The following SEMA5A variants were observed in gnomAD, a reference collection of about 807,000 sequenced individuals.
The protein encoded by SEMA5A is semaphorin 5A.
SEMA5A carries 55 observed loss-of-function variants against 135.5 expected under a neutral mutation model. The observed-to-expected ratio is 0.41, with a 90% confidence interval of 0.33 to 0.51. The LOEUF (loss-of-function observed/expected upper bound fraction) is 0.51. SEMA5A is among the 20% of genes least tolerant of loss of function. SEMA5A has a pLI of 0.37. For missense variants in SEMA5A, 1,290 were observed against 1,419.9 expected (o/e 0.91, Z 1.47); for synonymous variants, 580 against 546.5 (o/e 1.06, Z -0.85).
chr5:9,354,094 A>C (rs866275973), intron 3 of SEMA5A, among the ~76,000 whole-genome samples: 6 of 152,168 alleles, frequency 3.9e-5, no homozygotes, highest in Admixed American at 1.3e-4. Flanking sequence ...CACACCTCCA[A>C]ATCACCAGCC....
intron 18 of SEMA5A, among the ~76,000 whole-genome samples, chr5:9,056,976 A>G (rs1238445476): frequency 1.3e-5 from 2 of 152,228 alleles, no homozygotes; most frequent in African/African-American, 2.4e-5. Context: ...ATGCAACAAC[A>G]TGGATGAACC....
intron 11 of SEMA5A, among the ~76,000 whole-genome samples, chr5:9,188,264 G>T (rs1744913275): frequency 6.6e-6 from 1 of 152,174 alleles, no homozygotes; most frequent in South Asian, 2.1e-4. Context: ...CAGCCACCAT[G>T]ATCTTAGACT....
intron 5 of SEMA5A, among the ~76,000 whole-genome samples, chr5:9,264,012 T>C (rs1313804271): frequency 1.3e-5 from 2 of 152,216 alleles, no homozygotes; most frequent in African/African-American, 4.8e-5. Flanking sequence ...AATTTTAGGA[T>C]TGGAAACTCA....
chr5:9,262,895 A>T (rs1283895311), intron 5 of SEMA5A, among the ~76,000 whole-genome samples: 1 of 97,930 alleles, frequency 1.0e-5, no homozygotes, highest in Non-Finnish European at 2.2e-5. Context: ...TTAGATTATA[A>T]TAAAAAAAAA....
chr5:9,433,434 G>C (rs376915304), intron 2 of SEMA5A, among the ~76,000 whole-genome samples: 1 of 151,248 alleles, frequency 6.6e-6, no homozygotes, highest in African/African-American at 2.4e-5. Flanking sequence ...ATGAAATAGC[G>C]GAAAAAACAG....
rs1374737584 is a variant in SEMA5A, at chr5:9,122,641, T to C, written c.1781+15A>G. ...AATACACAGCAGCACAACTGGCGTG[T>C]TCTGAGCGGCACACCTGGAACAGTT... On this transcript the variant is annotated intron_variant, in intron 14 of 22. Coordinates refer to ENST00000382496, the MANE Select transcript of SEMA5A (RefSeq NM_003966.3). 6.4e-7 allele frequency: 1 copy of C among 1,569,688 alleles called. No individual in the cohort carries two copies. Among genetic ancestry groups the C allele is most frequent in the South Asian group, 1.2e-5 (1 of 85,100 alleles).
chr5:9,110,823 G>A (rs987748398), intron 15 of SEMA5A, among the ~76,000 whole-genome samples: 4 of 152,034 alleles, frequency 2.6e-5, no homozygotes, highest in Non-Finnish European at 4.4e-5. Context: ...TCCTCTTTAG[G>A]TGGTAACTAT....
intron 1 of SEMA5A, among the ~76,000 whole-genome samples, chr5:9,544,607 TG>T (rs1738276445): frequency 6.6e-6 from 1 of 151,716 alleles, no homozygotes; most frequent in Admixed American, 6.6e-5. Context: ...ACCCAGCAAC[TG>T]CCTGTGGCGC....
intron 1 of SEMA5A, among the ~76,000 whole-genome samples, chr5:9,489,676 G>GT (rs767522444): frequency 6.6e-5 from 10 of 152,244 alleles, no homozygotes; most frequent in Non-Finnish European, 1.3e-4. Flanking sequence ...AAACAAAAGT[G>GT]TTTTTGAAAA....
chr5:9,274,642 C>T (rs1319373768), intron 5 of SEMA5A, among the ~76,000 whole-genome samples: 1 of 152,188 alleles, frequency 6.6e-6, no homozygotes, highest in Non-Finnish European at 1.5e-5. Context: ...TCTCAGACCA[C>T]AGTGCAATCA....
intron 1 of SEMA5A, among the ~76,000 whole-genome samples, chr5:9,518,304 G>T (rs1410849829): frequency 1.3e-5 from 2 of 152,162 alleles, no homozygotes; most frequent in Non-Finnish European, 2.9e-5. Flanking sequence ...CCTTAGCTGA[G>T]CCAGCTAATT....
chr5:9,297,585 A>G (rs1213299896), intron 5 of SEMA5A, among the ~76,000 whole-genome samples: 2 of 151,846 alleles, frequency 1.3e-5, no homozygotes, highest in Non-Finnish European at 2.9e-5. Flanking sequence ...AGAGTATCTC[A>G]CTCCAATTGC....
Position 9,335,810 on chromosome 5 carries a change from A to G in SEMA5A, c.224+1903T>C, listed in dbSNP as rs189464175. 3.7e-3 allele frequency among the ~76,000 whole-genome samples: 556 copies of G among 152,268 alleles called. 14 individuals carry two copies. Among genetic ancestry groups the G allele is most frequent in the Admixed American group, 0.035 (533 of 15,292 alleles). ...TGGATGCAGAGGGGAACATAGACAAATTCAACTCTGGAAATAAATGTGTTG... is the reference window on the plus strand; with the variant it reads ...TGGATGCAGAGGGGAACATAGACAAGTTCAACTCTGGAAATAAATGTGTTG... On this transcript the variant is annotated intron_variant, in intron 4 of 22. Coordinates refer to ENST00000382496, the MANE Select transcript of SEMA5A (RefSeq NM_003966.3).
intron 3 of SEMA5A, among the ~76,000 whole-genome samples, chr5:9,342,754 C>G (rs1205728): frequency 1 from 151,665 of 152,344 alleles, 75,502 homozygotes; most frequent in Middle Eastern, 1. Flanking sequence ...TCTATCTTAT[C>G]CACTTTATAA....
chr5:9,425,901 T>C (rs192015381), intron 2 of SEMA5A, among the ~76,000 whole-genome samples: 3 of 152,302 alleles, frequency 2.0e-5, no homozygotes, highest in Admixed American at 6.5e-5. Flanking sequence ...GGCTCAGCCA[T>C]GCAGGAGGCC....
At chr5:9,378,823 G>A (rs944607103) in intron 3 of SEMA5A, among the ~76,000 whole-genome samples, 1 of 152,142 alleles carries the variant, frequency 6.6e-6, no homozygotes, top group Non-Finnish European at 1.5e-5. Context: ...GGTGCTTGAT[G>A]ATGTCATGAA....
intron 16 of SEMA5A, among the ~76,000 whole-genome samples, chr5:9,073,249 G>T (rs1737866476): frequency 2.0e-5 from 3 of 152,024 alleles, no homozygotes; most frequent in Admixed American, 2.0e-4. Context: ...TATATCAAAA[G>T]GTTAACACCT....
In SEMA5A at chr5:9,035,192, A is replaced by G. The variant is rs1658419108; in HGVS notation, c.*7705T>C. The stretch of plus-strand genomic sequence containing the variant: ...CCACAAATGGCAGCTAGAGATGGTA[A>G]GAAGGGGGTTGGTAGGAAAGTGTGA... On this transcript the variant is annotated 3_prime_UTR_variant, in exon 23 of 23. Transcript: ENST00000382496. The G allele has an allele frequency of 6.6e-6, 1 of 152,258 alleles. No individual in the cohort carries two copies. The highest frequency in any genetic ancestry group is 1.5e-5 in the Non-Finnish European group (1 of 68,028). 9.4% of individuals were successfully genotyped at this position (152,258 alleles called of 1,614,324 possible).
intron 2 of SEMA5A, among the ~76,000 whole-genome samples, chr5:9,431,692 C>T (rs183327463): frequency 2.0e-5 from 3 of 152,068 alleles, no homozygotes; most frequent in Non-Finnish European, 2.9e-5. Flanking sequence ...CGTTTTTATG[C>T]CCTCAGGAAA....
Sources: allele counts gnomAD v4.1 joint callset (sites outside exome capture counted in the v4.1 genomes callset), GRCh38; gene constraint gnomAD v4.1.1; transcripts MANE v1.5; gene names NCBI Gene and HGNC (gene_info 2026-07-23, HGNC 2026-07-21).